Variants in TXNRD1 observed in about 807,000 individuals in gnomAD.
The protein encoded by TXNRD1 is thioredoxin reductase 1.
In TXNRD1, 57 loss-of-function variants were observed where a neutral mutation model predicts 80.3. The ratio of observed to expected loss-of-function variants is 0.71; its 90% CI spans 0.57 to 0.89. TXNRD1 has a LOEUF of 0.89. Among genes scored for constraint, TXNRD1 ranks in the 40% least tolerant of loss-of-function variants. The pLI, the probability that TXNRD1 is intolerant of heterozygous loss-of-function variation, is 0.00. For missense variants in TXNRD1, 730 were observed against 803.0 expected, an observed-to-expected ratio of 0.91 and a Z score of 1.10; for synonymous variants, 291 against 285.2, an observed-to-expected ratio of 1.02 and a Z score of -0.20.
In TXNRD1 at chr12:104,294,233, G is replaced by GGCAC. The variant is rs60817773; in HGVS notation, c.414+5193_414+5194insGCAC. On this transcript the variant is annotated intron_variant, in intron 4 of 16. Coordinates refer to ENST00000525566, the MANE Select transcript of TXNRD1 (RefSeq NM_001093771.3). Reference sequence around the variant, plus strand: ...CTTCTCTAAACTCCCCCGGGGAAAGGCCCCCCCCCCCGCCGCCGGCTTTCC... The same window carrying GGCAC: ...CTTCTCTAAACTCCCCCGGGGAAAGGGCACCCCCCCCCCCCGCCGCCGGCTTTCC... 4.4e-5 allele frequency among the ~76,000 whole-genome samples: 3 copies of GGCAC among 68,884 alleles called. 1 individual carries two copies. The highest frequency in any genetic ancestry group is 8.3e-5 in the Non-Finnish European group (3 of 36,172). 45.2% of individuals were successfully genotyped at this position (68,884 alleles called of 152,430 possible).
chr12:104,230,268 C>T (rs2032587868), intron 1 of TXNRD1, among the ~76,000 whole-genome samples: 1 of 151,942 alleles, frequency 6.6e-6, no homozygotes, highest in African/African-American at 2.4e-5. Flanking sequence ...GGGGTTTCAC[C>T]ATGTTGGCCA....
intron 4 of TXNRD1, among the ~76,000 whole-genome samples, chr12:104,302,951 A>G (rs1317441435): frequency 6.6e-6 from 1 of 152,198 alleles, no homozygotes; most frequent in Non-Finnish European, 1.5e-5. Context: ...TCATATCCTT[A>G]GACTGTATCT....
intron 3 of TXNRD1, among the ~76,000 whole-genome samples, chr12:104,269,540 C>T (rs1165060550): frequency 1.3e-5 from 2 of 151,706 alleles, no homozygotes; most frequent in Non-Finnish European, 1.5e-5. Flanking sequence ...CTTGGGACTA[C>T]AGGCACATGC....
intron 1 of TXNRD1, among the ~76,000 whole-genome samples, chr12:104,218,725 C>A (rs2032279450): frequency 6.6e-6 from 1 of 151,326 alleles, no homozygotes. Flanking sequence ...TTAAACAATC[C>A]TCCCACCTCA....
chr12:104,265,707 G>A (rs1593725333), intron 3 of TXNRD1: 3 of 1,602,322 alleles, frequency 1.9e-6, no homozygotes, highest in African/African-American at 1.3e-5. Flanking sequence ...AGGAGATCGC[G>A]GCCAGCAAGT....
At chr12:104,265,893 G>GA (rs34390973) in intron 3 of TXNRD1, 17,286 of 570,160 alleles carry the variant, frequency 0.03, 45 homozygotes, top group African/African-American at 0.063. Flanking sequence ...CGCCCCGGTG[G>GA]AAAAAAAAAA....
At chr12:104,303,809 C>G in intron 4 of TXNRD1, 1 of 1,387,080 alleles carries the variant, frequency 7.2e-7, no homozygotes, top group Middle Eastern at 2.6e-4. Context: ...CTCAGAGATA[C>G]CCGTGGCCGG....
rs78291281 is a variant in TXNRD1 at position 104,270,871 on chromosome 12, G to A, written c.304+12792G>A. On this transcript the variant is annotated intron_variant, in intron 3 of 16. Transcript: ENST00000525566. ...GAGATTATTGAAAGATTAACTAGCC[G>A]GGTGTGGTGGCTCACGCCTATAATC... 5.7e-3 allele frequency among the ~76,000 whole-genome samples: 871 copies of A among 152,224 alleles called. 55 individuals are homozygous for A. In the East Asian group the frequency reaches 0.14, roughly 24 times the overall value.
intron 1 of TXNRD1, among the ~76,000 whole-genome samples, chr12:104,235,486 A>G (rs2032719855): frequency 6.6e-6 from 1 of 152,200 alleles, no homozygotes; most frequent in South Asian, 2.1e-4. Context: ...AGCAAAGGGA[A>G]CCCAGAAGCC....
At chr12:104,225,593 G>A (rs1451517812) in intron 1 of TXNRD1, among the ~76,000 whole-genome samples, 1 of 152,084 alleles carries the variant, frequency 6.6e-6, no homozygotes. Context: ...TTTATAAAGG[G>A]CTTCCCCCTT....
chr12:104,230,151 C>G (rs776771431), intron 1 of TXNRD1, among the ~76,000 whole-genome samples: 1 of 151,812 alleles, frequency 6.6e-6, no homozygotes, highest in Non-Finnish European at 1.5e-5. Flanking sequence ...CTCACTGCAA[C>G]CTCCACCTCC....
intron 1 of TXNRD1, among the ~76,000 whole-genome samples, chr12:104,245,542 A>AAAAAAAAAAT (rs1394148149): frequency 6.8e-6 from 1 of 146,752 alleles, no homozygotes; most frequent in Non-Finnish European, 1.5e-5. Flanking sequence ...AAAAAAAAAA[A>AAAAAAAAAAT]GAATACTGAG....
At chr12:104,253,019 T>C (rs2033162668) in intron 2 of TXNRD1, among the ~76,000 whole-genome samples, 2 of 152,014 alleles carry the variant, frequency 1.3e-5, no homozygotes, top group South Asian at 2.1e-4. Flanking sequence ...TTATTAAGTT[T>C]AATTTTCTCT....
intron 3 of TXNRD1, among the ~76,000 whole-genome samples, chr12:104,258,664 G>A (rs1474477504): frequency 1.3e-5 from 2 of 152,150 alleles, no homozygotes; most frequent in Admixed American, 6.5e-5. Flanking sequence ...GGTGACTCAT[G>A]CCTCTAATCC....
At chr12:104,222,754 G>A (rs185129211) in intron 1 of TXNRD1, among the ~76,000 whole-genome samples, 2 of 152,320 alleles carry the variant, frequency 1.3e-5, no homozygotes, top group East Asian at 3.9e-4. Flanking sequence ...AGGAAGCTGA[G>A]GCAGGAGAAT....
intron 4 of TXNRD1, chr12:104,304,068 G>C (rs758492287): frequency 3.7e-6 from 6 of 1,613,890 alleles, no homozygotes; most frequent in Non-Finnish European, 5.1e-6. Flanking sequence ...AGGCAGTACC[G>C]GCAGCTCATG....
intron 3 of TXNRD1, among the ~76,000 whole-genome samples, chr12:104,278,301 C>T (rs1371471195): frequency 1.3e-5 from 2 of 148,736 alleles, no homozygotes; most frequent in Non-Finnish European, 1.5e-5. Context: ...CCCCGGTCCA[C>T]GCCTTTTTCC....
intron 2 of TXNRD1, among the ~76,000 whole-genome samples, chr12:104,255,219 A>G (rs1045375274): frequency 2.6e-5 from 4 of 152,160 alleles, no homozygotes; most frequent in Admixed American, 1.3e-4. Flanking sequence ...CAGGATTGCT[A>G]CTAGTGGTAG....
At chr12:104,240,792 G>A (rs1333239389) in intron 1 of TXNRD1, among the ~76,000 whole-genome samples, 1 of 150,838 alleles carries the variant, frequency 6.6e-6, no homozygotes, top group Non-Finnish European at 1.5e-5. Flanking sequence ...ACCCAGGCTG[G>A]AGTGCAATGG....
Sources: gnomAD v4.1 joint callset for allele counts (sites outside exome capture counted in the v4.1 genomes callset) on GRCh38, gnomAD v4.1.1 for gene constraint, MANE v1.5 for transcripts, NCBI Gene and HGNC (gene_info 2026-07-23, HGNC 2026-07-21) for gene names.